The following ZC2HC1B variants were observed in gnomAD, a reference collection of about 807,000 sequenced individuals.
ZC2HC1B encodes zinc finger C2HC-type containing 1B.
ZC2HC1B carries 36 observed loss-of-function variants against 31.0 expected under a neutral mutation model. The observed-to-expected ratio is 1.16, with a 90% CI of 0.89 to 1.54. ZC2HC1B has a LOEUF of 1.54. Among genes scored for constraint, ZC2HC1B ranks in the 40% most tolerant of loss-of-function variants. The pLI, the probability that ZC2HC1B is intolerant of heterozygous loss-of-function variation, is 0.00. For synonymous variants in ZC2HC1B, 73 were observed against 88.0 expected (o/e 0.83, Z 0.95); for missense variants, 260 against 268.6 (o/e 0.97, Z 0.22).
intron 1 of ZC2HC1B, among the ~76,000 whole-genome samples, chr6:143,867,820 GGTT>G (rs1247084890): frequency 1.3e-5 from 2 of 152,188 alleles, no homozygotes; most frequent in African/African-American, 4.8e-5. Flanking sequence ...GTTGCTCTTT[GGTT>G]GTTGTGCCCA....
intron 1 of ZC2HC1B, 78 bp downstream of exon 1, chr6:143,864,645 G>T: frequency 6.9e-7 from 1 of 1,439,942 alleles, no homozygotes; most frequent in Non-Finnish European, 9.6e-7. Flanking sequence ...TCCAAAGCTG[G>T]TAGGTATTAG....
In ZC2HC1B at chr6:143,886,708, G is replaced by T; in HGVS notation, c.236G>T (p.Trp79Leu). 6.5e-7 allele frequency: 1 copy of T among 1,544,468 alleles called. No homozygotes were observed. Reference sequence around the variant, plus strand: ...TCTCCACCTGTGAGGAAGTCTAACTGGAGACAACAACATGAAGACTTTATT... The same window carrying T: ...TCTCCACCTGTGAGGAAGTCTAACTTGAGACAACAACATGAAGACTTTATT... ...SKSPPVRKSN[W>L]RQQHEDFINA... Residue 79 changes from tryptophan (W) to leucine (L), a missense_variant, in exon 4 of 8, where the codon TGG (tryptophan) becomes TTG (leucine). Coordinates refer to ENST00000237275, the MANE Select transcript of ZC2HC1B (RefSeq NM_001013623.3). The surrounding 1 kb of genome is among the most constrained non-coding windows in gnomAD (Gnocchi z 4.2).
At chr6:143,916,662 G>A (rs1009625381) in intron 6 of ZC2HC1B, among the ~76,000 whole-genome samples, 1 of 152,250 alleles carries the variant, frequency 6.6e-6, no homozygotes, top group Non-Finnish European at 1.5e-5. Context: ...CTGGATGTGA[G>A]ATATGGAGTC....
chr6:143,930,425 C>T (rs1582978813), intron 6 of ZC2HC1B, among the ~76,000 whole-genome samples: 1 of 140,556 alleles, frequency 7.1e-6, no homozygotes, highest in Admixed American at 7.5e-5. Flanking sequence ...CTTGCTCTGT[C>T]GCCCAGGCTG....
Position 143,913,697 on chromosome 6 carries a change from G to A in ZC2HC1B, c.598+10545G>A, listed in dbSNP as rs1314418048. On this transcript the variant is annotated intron_variant, in intron 6 of 7. Coordinates refer to ENST00000237275, the MANE Select transcript of ZC2HC1B (RefSeq NM_001013623.3). This position sits in a 1 kb window ranked among gnomAD's most constrained non-coding sequence, Gnocchi z 5.7. The stretch of plus-strand genomic sequence containing the variant: ...CTCTGGTGGCATAGGCTCACAAGGG[G>A]ATCTCCTGATCCACAGGTTGCAAAG... 6.6e-6 allele frequency among the ~76,000 whole-genome samples: 1 copy of A among 152,176 alleles called. No homozygotes were observed. The highest frequency in any genetic ancestry group is 1.5e-5 in the Non-Finnish European group (1 of 68,040).
chr6:143,921,879 A>G lies in ZC2HC1B; in HGVS notation c.599-15770A>G, dbSNP rs1363405583. Among the ~76,000 whole-genome samples, 1 of 152,208 alleles carries G rather than the reference A, an allele frequency of 6.6e-6. No homozygotes were observed. Among genetic ancestry groups the G allele is most frequent in the Non-Finnish European group, 1.5e-5 (1 of 68,036 alleles). On this transcript the variant is annotated intron_variant, in intron 6 of 7. Transcript: ENST00000237275. This position sits in a 1 kb window ranked among gnomAD's most constrained non-coding sequence, Gnocchi z 6.1. Reference sequence around the variant, plus strand: ...TCCAGTACAAGTGTTCAAGGCTGCAATGAGCTATGATCGTGCCACTGCACA... The same window carrying G: ...TCCAGTACAAGTGTTCAAGGCTGCAGTGAGCTATGATCGTGCCACTGCACA...
In ZC2HC1B at chr6:143,895,300, T is replaced by C. The variant is rs1777652417; in HGVS notation, c.350-3252T>C. ...GTTTCAGCCTCCTGAGTAGCTGGGA[T>C]TACAGGCGCCCGCCACCACGCCCAG... On this transcript the variant is annotated intron_variant, in intron 4 of 7. Transcript: ENST00000237275. The surrounding 1 kb of genome is among the most constrained non-coding windows in gnomAD (Gnocchi z 4.8). Among the ~76,000 whole-genome samples, 1 of 152,104 alleles carries C rather than the reference T, an allele frequency of 6.6e-6. No homozygotes were observed. Among genetic ancestry groups the C allele is most frequent in the Non-Finnish European group, 1.5e-5 (1 of 68,012 alleles).
intron 4 of ZC2HC1B, among the ~76,000 whole-genome samples, chr6:143,892,297 CTTT>C (rs35514285): frequency 1.5e-5 from 2 of 135,140 alleles, no homozygotes. Context: ...GTGACAGGCT[CTTT>C]TTTTTTTTTT....
chr6:143,932,324 A>G (rs1344050584), intron 6 of ZC2HC1B, among the ~76,000 whole-genome samples: 1 of 152,108 alleles, frequency 6.6e-6, no homozygotes, highest in Non-Finnish European at 1.5e-5. Flanking sequence ...CATAATCTCA[A>G]ACTTCTTGGA....
chr6:143,908,514 G>A lies in ZC2HC1B; in HGVS notation c.598+5362G>A, dbSNP rs1053095347. On this transcript the variant is annotated intron_variant, in intron 6 of 7. Transcript: ENST00000237275. The surrounding 1 kb of genome is among the most constrained non-coding windows in gnomAD (Gnocchi z 4.4). ...CACTTTCCTTGTTAGCTGTATTCCTGGGCATTTTATTCTTTCTGTGACAAT... is the reference window on the plus strand; with the variant it reads ...CACTTTCCTTGTTAGCTGTATTCCTAGGCATTTTATTCTTTCTGTGACAAT... Among the ~76,000 whole-genome samples the A allele has an allele frequency of 3.3e-5, 5 of 152,034 alleles. No individual in the cohort carries two copies. The highest frequency in any genetic ancestry group is 5.9e-5 in the Non-Finnish European group (4 of 67,990).
In ZC2HC1B at chr6:143,877,272, C is replaced by CTTTTTTTTTTTTTTT. The variant is rs34994479; in HGVS notation, c.29-7019_29-7005dup. ...TTTCTCCTAAAGATTTTTTTAATTTCTTTTTTTTTTTTTTTTTTTTTTTTT... is the reference window on the plus strand; with the variant it reads ...TTTCTCCTAAAGATTTTTTTAATTTCTTTTTTTTTTTTTTTTTTTTTTTTTTTTTTTTTTTTTTTT... On this transcript the variant is annotated intron_variant, in intron 1 of 7. Transcript: ENST00000237275. Among the ~76,000 whole-genome samples the CTTTTTTTTTTTTTTT allele has an allele frequency of 7.0e-5, 3 of 42,594 alleles. 1 individual carries two copies. Among genetic ancestry groups the CTTTTTTTTTTTTTTT allele is most frequent in the African/African-American group, 2.4e-4 (2 of 8,320 alleles). The allele number at this position is 42,594 out of a possible 152,430, so 27.9% of individuals were successfully genotyped here.
At chr6:143,864,739 C>T (rs893287192) in intron 1 of ZC2HC1B, among the ~76,000 whole-genome samples, 172 bp downstream of exon 1, 1 of 152,186 alleles carries the variant, frequency 6.6e-6, no homozygotes, top group South Asian at 2.1e-4. Context: ...ATTAGGTATT[C>T]TACCAACATT....
At chr6:143,880,399 T>C (rs1011103142) in intron 1 of ZC2HC1B, among the ~76,000 whole-genome samples, 10 of 152,198 alleles carry the variant, frequency 6.6e-5, no homozygotes, top group Admixed American at 2.0e-4. Flanking sequence ...ATAATTTTCA[T>C]TAAAAGTTTG....
chr6:143,874,690 G>A (rs1435110535), intron 1 of ZC2HC1B, among the ~76,000 whole-genome samples: 1 of 152,110 alleles, frequency 6.6e-6, no homozygotes, highest in Non-Finnish European at 1.5e-5. Context: ...CACAAGAACA[G>A]CATGGGAAAG....
intron 4 of ZC2HC1B, among the ~76,000 whole-genome samples, chr6:143,894,031 A>C (rs1488356011): frequency 6.6e-6 from 1 of 152,184 alleles, no homozygotes; most frequent in African/African-American, 2.4e-5. Flanking sequence ...TTAGCCTATA[A>C]AGCAATTCCA....
intron 1 of ZC2HC1B, among the ~76,000 whole-genome samples, chr6:143,879,985 T>G (rs1462975439): frequency 6.6e-6 from 1 of 151,944 alleles, no homozygotes; most frequent in Non-Finnish European, 1.5e-5. Context: ...CTACCATGCC[T>G]GGCTAATTTT....
chr6:143,914,848 A>C (rs1388858496), intron 6 of ZC2HC1B, among the ~76,000 whole-genome samples: 2 of 151,982 alleles, frequency 1.3e-5, no homozygotes, highest in Non-Finnish European at 2.9e-5. Context: ...TATTATTTGC[A>C]TGCTATATCT....
intron 1 of ZC2HC1B, among the ~76,000 whole-genome samples, chr6:143,882,993 C>T (rs1582955142): frequency 6.6e-6 from 1 of 152,088 alleles, no homozygotes; most frequent in East Asian, 1.9e-4. Context: ...GATACAGAAT[C>T]ACTCATCTCC....
intron 6 of ZC2HC1B, among the ~76,000 whole-genome samples, chr6:143,912,046 A>T (rs1170107598): frequency 6.6e-6 from 1 of 152,134 alleles, no homozygotes. Context: ...TTTCTTCCAC[A>T]TAGTCTATTC....
Sources: allele counts gnomAD v4.1 joint callset (sites outside exome capture counted in the v4.1 genomes callset), GRCh38; gene constraint gnomAD v4.1.1; non-coding constraint Gnocchi (gnomAD v3.1); transcripts MANE v1.5; gene names NCBI Gene and HGNC (gene_info 2026-07-23, HGNC 2026-07-21).